OCA2: variants seen among roughly 807,000 people sequenced by gnomAD.
The protein encoded by OCA2 is OCA2 melanosomal transmembrane protein, also known as P protein.
In OCA2, 77 loss-of-function variants were observed where a neutral mutation model predicts 100.2. The observed-to-expected ratio is 0.77, with a 90% confidence interval of 0.64 to 0.93. The LOEUF (loss-of-function observed/expected upper bound fraction) is 0.93, where lower values mean the gene tolerates loss of function less well. Ranked by LOEUF, OCA2 falls within the 40% of genes least tolerant of loss-of-function variation. The probability of loss-of-function intolerance (pLI) is 0.00; values close to 1 mark genes in which losing one functional copy is unlikely to be tolerated. For missense variants in OCA2, 1,062 were observed against 1,089.1 expected, an observed-to-expected ratio of 0.98 and a Z score of 0.35; for synonymous variants, 432 against 439.2, an observed-to-expected ratio of 0.98 and a Z score of 0.21.
intron 23 of OCA2, among the ~76,000 whole-genome samples, chr15:27,775,268 T>C (rs1343087972): frequency 6.6e-6 from 1 of 152,174 alleles, no homozygotes; most frequent in African/African-American, 2.4e-5. Context: ...TCTTCACTTC[T>C]GCCCATTGCA....
chr15:28,071,376 T>C (rs1197429639), intron 2 of OCA2, among the ~76,000 whole-genome samples: 2 of 152,128 alleles, frequency 1.3e-5, no homozygotes, highest in African/African-American at 4.8e-5. Context: ...GCTATTCCTA[T>C]CAAACTACCA....
chr15:27,899,273 A>C (rs753349607), intron 19 of OCA2, among the ~76,000 whole-genome samples: 4 of 152,164 alleles, frequency 2.6e-5, no homozygotes, highest in Non-Finnish European at 4.4e-5. Context: ...TAAAAGAATA[A>C]ATTCGGGTTA....
rs546249835 is a variant in OCA2, at chr15:27,909,931, AAAC to A, written c.2079+16193_2079+16195del. ...CAAAGACACACTATAAAAAGTCACA[AAAC>A]AACTAACTAGGAGTAAATAATTGCA... On this transcript the variant is annotated intron_variant, in intron 19 of 23. Coordinates refer to ENST00000354638, the MANE Select transcript of OCA2 (RefSeq NM_000275.3). 1.6e-3 allele frequency among the ~76,000 whole-genome samples: 242 copies of A among 152,296 alleles called. 1 individual carries two copies. The highest frequency in any genetic ancestry group is 1.2e-3 in the Non-Finnish European group (85 of 68,010).
intron 23 of OCA2, among the ~76,000 whole-genome samples, chr15:27,757,593 A>G (rs2030488108): frequency 6.6e-6 from 1 of 152,258 alleles, no homozygotes; most frequent in South Asian, 2.1e-4. Context: ...TCTAGTTTTC[A>G]ATTCCTGCTC....
intron 23 of OCA2, among the ~76,000 whole-genome samples, chr15:27,840,718 A>G (rs1168300050): frequency 1.3e-5 from 2 of 152,232 alleles, no homozygotes; most frequent in East Asian, 3.8e-4. Context: ...ATGCAAAAAT[A>G]AAAGAAAATA....
At chr15:27,781,998 A>G (rs1427592973) in intron 23 of OCA2, among the ~76,000 whole-genome samples, 1 of 152,210 alleles carries the variant, frequency 6.6e-6, no homozygotes, top group African/African-American at 2.4e-5. Flanking sequence ...CTGTGGAAAA[A>G]ACACACAAAA....
At chr15:27,878,252 G>A (rs1257787330) in intron 19 of OCA2, among the ~76,000 whole-genome samples, 8 of 151,790 alleles carry the variant, frequency 5.3e-5, no homozygotes, top group East Asian at 1.9e-4. Context: ...TTTGAAGAAC[G>A]TAAGAGGGAA....
rs749661379 is a variant in OCA2 at position 27,989,605 on chromosome 15, C to A, written c.1178G>T (p.Gly393Val). 4.3e-6 allele frequency: 7 copies of A among 1,613,860 alleles called. No homozygotes were observed. The African/African-American group carries it at 9.3e-5, about 22-fold the overall frequency. Residue 393 changes from glycine (G) to valine (V), a missense_variant, in exon 11 of 24, where the codon GGC becomes GTC. Gly to Val is a moderately radical substitution (Grantham distance 109). Transcript: ENST00000354638. Reference sequence around the variant, plus strand: ...CACGGGGAGAGCTGTAATTACCATGCCAAACAGCAGGGCCAGCGTCTCAAA... The same window carrying A: ...CACGGGGAGAGCTGTAATTACCATGACAAACAGCAGGGCCAGCGTCTCAAA... ...IDFETLALLF[G>V]MMILVAIFSE...
intron 11 of OCA2, among the ~76,000 whole-genome samples, chr15:27,987,741 C>T (rs772926396): frequency 2.6e-5 from 4 of 151,788 alleles, no homozygotes; most frequent in South Asian, 2.1e-4. Context: ...AAAAAAAGTC[C>T]GAACTTGAAC....
chr15:27,855,163 C>T (rs1057416079), intron 21 of OCA2, among the ~76,000 whole-genome samples: 1 of 152,222 alleles, frequency 6.6e-6, no homozygotes, highest in African/African-American at 2.4e-5. Context: ...CCAAGGGTCT[C>T]CCCGCAACTC....
At chr15:28,096,194 T>A (rs1424801458) in intron 1 of OCA2, among the ~76,000 whole-genome samples, 1 of 149,296 alleles carries the variant, frequency 6.7e-6, no homozygotes, top group Non-Finnish European at 1.5e-5. Flanking sequence ...GGCGTGGCCG[T>A]GTCTCTGGGG....
chr15:28,064,067 T>C (rs1212389464), intron 2 of OCA2, among the ~76,000 whole-genome samples: 1 of 152,162 alleles, frequency 6.6e-6, no homozygotes, highest in Non-Finnish European at 1.5e-5. Context: ...TTGCCAGATA[T>C]AGAATTTTTA....
chr15:28,096,052 C>G (rs555145898), intron 1 of OCA2, among the ~76,000 whole-genome samples: 1 of 152,138 alleles, frequency 6.6e-6, no homozygotes, highest in African/African-American at 2.4e-5. Flanking sequence ...TCTCTCGGAG[C>G]ACGGCCCTTC....
At chr15:27,861,240 A>G (rs1349109847) in intron 21 of OCA2, among the ~76,000 whole-genome samples, 1 of 152,194 alleles carries the variant, frequency 6.6e-6, no homozygotes, top group African/African-American at 2.4e-5. Context: ...GGCTTGAGCA[A>G]CTGAGAGAAC....
chr15:27,823,395 C>T (rs552905593), intron 23 of OCA2, among the ~76,000 whole-genome samples: 3 of 110,640 alleles, frequency 2.7e-5, no homozygotes, highest in African/African-American at 9.0e-5. Flanking sequence ...AAGTCATATG[C>T]CGATTATAGT....
intron 23 of OCA2, among the ~76,000 whole-genome samples, chr15:27,802,977 C>A (rs1301439665): frequency 6.6e-6 from 1 of 152,158 alleles, no homozygotes. Flanking sequence ...AACAGACAAG[C>A]CACAGACTGG....
At chr15:27,861,310 C>T (rs78616551) in intron 21 of OCA2, among the ~76,000 whole-genome samples, 5,973 of 152,122 alleles carry the variant, frequency 0.039, 404 homozygotes, top group African/African-American at 0.13. Flanking sequence ...GATTTCAGTT[C>T]GGGACACGTT....
At chr15:27,763,640 C>T (rs901196357) in intron 23 of OCA2, among the ~76,000 whole-genome samples, 3 of 152,160 alleles carry the variant, frequency 2.0e-5, no homozygotes, top group Non-Finnish European at 4.4e-5. Context: ...TATGGTAGGG[C>T]CCTTCCTGTG....
chr15:28,081,955 C>G, intron 1 of OCA2, 60 bp from the exon 2 acceptor site: 1 of 1,347,400 alleles, frequency 7.4e-7, no homozygotes, highest in Non-Finnish European at 1.0e-6. Context: ...AACGTTTGCA[C>G]CTTGGGAGTC....
Sources: gnomAD v4.1 joint callset for allele counts (sites outside exome capture counted in the v4.1 genomes callset) on GRCh38, gnomAD v4.1.1 for gene constraint, MANE v1.5 for transcripts, NCBI Gene and HGNC (gene_info 2026-07-23, HGNC 2026-07-21) for gene names.